Variants in UBASH3B observed in about 807,000 individuals in gnomAD.
The protein encoded by UBASH3B is ubiquitin-associated and SH3 domain-containing protein B.
Under a neutral mutation model 83.4 loss-of-function variants are expected in UBASH3B, and 37 were observed. That is an observed-to-expected ratio of 0.44 (90% CI 0.34 to 0.58). The LOEUF is 0.58. UBASH3B is among the 20% of genes least tolerant of loss of function. The probability of loss-of-function intolerance (pLI) is 0.01; values close to 1 mark genes in which losing one functional copy is unlikely to be tolerated. For missense variants in UBASH3B, 657 were observed against 827.2 expected, an observed-to-expected ratio of 0.79 and a Z score of 2.52; for synonymous variants, 304 against 318.3, an observed-to-expected ratio of 0.96 and a Z score of 0.48.
rs199692628 is a variant in UBASH3B at position 122,656,016 on chromosome 11, G to A, written c.-34G>A. 713 of 1,519,786 alleles carry A rather than the reference G, an allele frequency of 4.7e-4. 6 individuals carry two copies. In the East Asian group the frequency reaches 0.016, roughly 35 times the overall value. The allele number at this position is 1,519,786 out of a possible 1,614,324, so 94.1% of individuals were successfully genotyped here. On this transcript the variant is annotated 5_prime_UTR_variant, in exon 1 of 14. Coordinates refer to ENST00000284273, the MANE Select transcript of UBASH3B (RefSeq NM_032873.5). ...CCTCCTTCCCGAACCATCCGGCTCG[G>A]GCTCCTTCCCTGGCGATGGCTGGCC... is the stretch of plus-strand genomic sequence containing the variant.
In UBASH3B at chr11:122,777,059, ACCCCCTGC is replaced by A; in HGVS notation, c.255_262del (p.Leu86GlyfsTer69). ...CATGTCGGTGACCCCTTCCTGGATG[ACCCCCTGC>A]CCCGGGAGTACGTCCTCTACCTCCG... On this transcript the variant is annotated frameshift_variant, in exon 3 of 14. Transcript: ENST00000284273. LOFTEE classifies it high-confidence loss of function. 1 of 1,611,374 alleles carries A rather than the reference ACCCCCTGC, an allele frequency of 6.2e-7. No individual in the cohort carries two copies. Among genetic ancestry groups the A allele is most frequent in the Non-Finnish European group, 8.5e-7 (1 of 1,178,958 alleles).
At chr11:122,682,220 T>C (rs1863750124) in intron 1 of UBASH3B, among the ~76,000 whole-genome samples, 1 of 152,154 alleles carries the variant, frequency 6.6e-6, no homozygotes, top group African/African-American at 2.4e-5. Context: ...ATAATAGTTT[T>C]CATTTATTTA....
chr11:122,779,505 C>T lies in UBASH3B; in HGVS notation c.411C>T (p.Asp137=). ...ITLCQFFMCE[D]SKVDALGEAL... ...CCTGTTTTCCCTGCCAGTGCGAGGA[C>T]AGCAAGGTGGATGCCCTGGGGGAAG... The change falls in exon 4 of 14, where the codon GAC becomes GAT. Residue 137 remains aspartate, a synonymous_variant. Transcript: ENST00000284273. The T allele has an allele frequency of 6.2e-7, 1 of 1,613,874 alleles. No homozygotes were observed.
rs879315312 is a variant in UBASH3B at position 122,656,621 on chromosome 11, G to C, written c.161+411G>C. On this transcript the variant is annotated intron_variant, in intron 1 of 13. Transcript: ENST00000284273. ...CCCTCTCCGTCTGGAATACTGGGCT[G>C]GTCTGGGATCCTCCGGTGTCTGGGA... 1.4e-4 allele frequency among the ~76,000 whole-genome samples: 22 copies of C among 152,330 alleles called. 1 individual carries two copies. The highest frequency in any genetic ancestry group is 3.4e-3 in the Middle Eastern group (1 of 294).
chr11:122,763,811 G>A (rs1379102843), intron 1 of UBASH3B, among the ~76,000 whole-genome samples: 1 of 151,548 alleles, frequency 6.6e-6, no homozygotes, highest in African/African-American at 2.4e-5. Flanking sequence ...AATGTGTAGA[G>A]CCATTATGGT....
At chr11:122,803,200 TAATTTGAAA>T in intron 11 of UBASH3B, among the ~76,000 whole-genome samples, 1 of 152,182 alleles carries the variant, frequency 6.6e-6, no homozygotes, top group Non-Finnish European at 1.5e-5. Flanking sequence ...ATGAAGCCTC[TAATTTGAAA>T]AATCAGTTGA....
chr11:122,680,001 T>A (rs1250622573), intron 1 of UBASH3B, among the ~76,000 whole-genome samples: 1 of 152,070 alleles, frequency 6.6e-6, no homozygotes, highest in Non-Finnish European at 1.5e-5. Flanking sequence ...CGGCTAATTT[T>A]TGTATTTTTA....
Position 122,810,489 on chromosome 11 carries a change from G to T in UBASH3B, c.*603G>T, listed in dbSNP as rs1796968203. On this transcript the variant is annotated 3_prime_UTR_variant, in exon 14 of 14. Coordinates refer to ENST00000284273, the MANE Select transcript of UBASH3B (RefSeq NM_032873.5). ...CTTAAGGATGCTAACATTTACCCTG[G>T]TACTGCCACATTTTCTCTAGAGCAG... 6.6e-6 allele frequency: 1 copy of T among 152,528 alleles called. No individual in the cohort carries two copies. Among genetic ancestry groups the T allele is most frequent in the Admixed American group, 6.6e-5 (1 of 15,256 alleles). The allele number at this position is 152,528 out of a possible 1,614,324, so 9.4% of individuals were successfully genotyped here. A position where few individuals can be genotyped will look rare whatever the true frequency, so the allele number is the denominator to read the frequency against.
At position 122,694,908 on chromosome 11, in the gene UBASH3B, T is replaced by C. The variant is rs1371492057; in HGVS notation, c.161+38698T>C. 2.6e-5 allele frequency among the ~76,000 whole-genome samples: 4 copies of C among 150,982 alleles called. No homozygotes were observed. The East Asian group carries it at 7.7e-4, about 29-fold the overall frequency. On this transcript the variant is annotated intron_variant, in intron 1 of 13. Coordinates refer to ENST00000284273, the MANE Select transcript of UBASH3B (RefSeq NM_032873.5). ...CAGGGTATGCCATCCACCAGTGATG[T>C]GCTTTATTTTTATTTTATTTTATTT... is the stretch of plus-strand genomic sequence containing the variant.
In UBASH3B at chr11:122,811,614, C is replaced by G. The variant is rs1446691799; in HGVS notation, c.*1728C>G. The G allele has an allele frequency of 2.6e-5, 4 of 152,082 alleles. No individual in the cohort carries two copies. In the East Asian group the frequency reaches 7.7e-4, roughly 29 times the overall value. The allele number at this position is 152,082 out of a possible 1,614,324, so 9.4% of individuals were successfully genotyped here. A position where few individuals can be genotyped will look rare whatever the true frequency, so the allele number is the denominator to read the frequency against. ...TGCTAGGATTACAGGTGTGAGCCAC[C>G]ACACCTGGCCCATAGTTGTATTTTT... On this transcript the variant is annotated 3_prime_UTR_variant, in exon 14 of 14. Transcript: ENST00000284273.
intron 11 of UBASH3B, 34 bp downstream of exon 11, chr11:122,801,366 G>C (rs764464409): frequency 1.2e-6 from 2 of 1,608,684 alleles, no homozygotes; most frequent in Middle Eastern, 1.9e-4. Flanking sequence ...ACTGAGGCCA[G>C]TGTGGAAGTG....
intron 6 of UBASH3B, 119 bp from the exon 7 acceptor site, chr11:122,794,583 C>T: frequency 1.6e-6 from 2 of 1,262,528 alleles, no homozygotes; most frequent in Non-Finnish European, 2.2e-6. Flanking sequence ...CAGCATCCCC[C>T]ATCATTGTGC....
Position 122,655,866 on chromosome 11 carries a change from G to T in UBASH3B, c.-184G>T. The T allele has an allele frequency of 1.6e-6, 1 of 637,098 alleles. No homozygotes were observed. The highest frequency in any genetic ancestry group is 3.4e-5 in the East Asian group (1 of 29,100). The allele number at this position is 637,098 out of a possible 1,614,324, so 39.5% of individuals were successfully genotyped here. A position where few individuals can be genotyped will look rare whatever the true frequency, so the allele number is the denominator to read the frequency against. ...GCCGCTTGCCGGCGTTCTGGCTCCT[G>T]TGGCCTCACCAGGAAGCGTCAGAGT... is the stretch of plus-strand genomic sequence containing the variant. On this transcript the variant is annotated 5_prime_UTR_variant, in exon 1 of 14. Transcript: ENST00000284273.
chr11:122,661,524 C>CTGGAA (rs1863437881), intron 1 of UBASH3B, among the ~76,000 whole-genome samples: 1 of 152,174 alleles, frequency 6.6e-6, no homozygotes, highest in Non-Finnish European at 1.5e-5. Flanking sequence ...AGAGGAAAAA[C>CTGGAA]TGGAACCCAC....
At chr11:122,666,375 T>C (rs893422981) in intron 1 of UBASH3B, among the ~76,000 whole-genome samples, 10 of 152,168 alleles carry the variant, frequency 6.6e-5, no homozygotes, top group Admixed American at 2.6e-4. Context: ...TTCTCAACCA[T>C]GGCATCTGCA....
At chr11:122,722,737 G>T (rs189805619) in intron 1 of UBASH3B, among the ~76,000 whole-genome samples, 4 of 148,396 alleles carry the variant, frequency 2.7e-5, no homozygotes, top group Admixed American at 6.8e-5. Context: ...ATGGAGTCTC[G>T]CTCTGTCCCC....
At chr11:122,783,912 T>A (rs1333109825) in intron 5 of UBASH3B, among the ~76,000 whole-genome samples, 3 of 151,796 alleles carry the variant, frequency 2.0e-5, no homozygotes, top group African/African-American at 7.3e-5. Context: ...TCTAGACAAG[T>A]ATGTGACATC....
chr11:122,734,121 A>G (rs1860893255), intron 1 of UBASH3B, among the ~76,000 whole-genome samples: 1 of 152,204 alleles, frequency 6.6e-6, no homozygotes, highest in Non-Finnish European at 1.5e-5. Context: ...TCCTGACTTC[A>G]GGTGATCTGC....
intron 4 of UBASH3B, among the ~76,000 whole-genome samples, chr11:122,780,353 C>G (rs1012415281): frequency 6.6e-6 from 1 of 152,174 alleles, no homozygotes; most frequent in Admixed American, 6.5e-5. Context: ...GTGCTCAAGG[C>G]AGGAGACACG....
Sources: gnomAD v4.1 joint callset for allele counts (sites outside exome capture counted in the v4.1 genomes callset) on GRCh38, gnomAD v4.1.1 for gene constraint, MANE v1.5 for transcripts, NCBI Gene and HGNC (gene_info 2026-07-23, HGNC 2026-07-21) for gene names.